The following BCAS3 variants were observed in gnomAD, a reference collection of about 807,000 sequenced individuals.
BCAS3 encodes the protein BCAS4/BCAS3 fusion.
A neutral mutation model predicts 116.1 loss-of-function variants in BCAS3; 53 were observed. That is an observed-to-expected ratio of 0.46 (90% CI 0.37 to 0.57). BCAS3 has a LOEUF of 0.57. BCAS3 is among the 20% of genes least tolerant of loss of function. The probability of loss-of-function intolerance (pLI) is 0.00; values close to 1 mark genes in which losing one functional copy is unlikely to be tolerated. For synonymous variants in BCAS3, 391 were observed against 408.2 expected (o/e 0.96, Z 0.51); for missense variants, 917 against 1,165.4 (o/e 0.79, Z 3.10).
At chr17:61,092,312 A>G (rs2073640656) in intron 22 of BCAS3, among the ~76,000 whole-genome samples, 1 of 152,088 alleles carries the variant, frequency 6.6e-6, no homozygotes, top group African/African-American at 2.4e-5. Flanking sequence ...ACATTTTTTT[A>G]TAAGTCTGTC....
rs1555735275 is a variant in BCAS3 at position 61,134,894 on chromosome 17, TG to T, written c.2425+50331del. Among the ~76,000 whole-genome samples, 1 of 152,222 alleles carries T rather than the reference TG, an allele frequency of 6.6e-6. No individual in the cohort carries two copies. Among genetic ancestry groups the T allele is most frequent in the Non-Finnish European group, 1.5e-5 (1 of 68,038 alleles). On this transcript the variant is annotated intron_variant, in intron 22 of 23. Coordinates refer to ENST00000407086, the MANE Select transcript of BCAS3 (RefSeq NM_017679.5). The surrounding 1 kb of genome is among the most constrained non-coding windows in gnomAD (Gnocchi z 4.6). ...CTACTTTTCTCTTAGATTGTTGTTTTGTTTTTTTTTGAAATAAAACATTTGT... is the reference window on the plus strand; with the variant it reads ...CTACTTTTCTCTTAGATTGTTGTTTTTTTTTTTTTGAAATAAAACATTTGT...
chr17:61,250,121 A>G (rs1750095922), intron 22 of BCAS3, among the ~76,000 whole-genome samples: 1 of 152,152 alleles, frequency 6.6e-6, no homozygotes, highest in African/African-American at 2.4e-5. Flanking sequence ...GAAAGTTCAT[A>G]CCCTGGGCCC....
At chr17:60,988,357 T>TTTTTTTTTTTTTTTTTTC (rs2063310355) in intron 14 of BCAS3, among the ~76,000 whole-genome samples, 1 of 147,002 alleles carries the variant, frequency 6.8e-6, no homozygotes. Context: ...TTTTTTTTTT[T>TTTTTTTTTTTTTTTTTTC]TTTATGTATG....
chr17:61,246,134 T>C lies in BCAS3; in HGVS notation c.2426-122193T>C, dbSNP rs188898848. Among the ~76,000 whole-genome samples the C allele has an allele frequency of 2.0e-5, 3 of 152,112 alleles. No homozygotes were observed. In the South Asian group the frequency reaches 6.2e-4, roughly 32 times the overall value. On this transcript the variant is annotated intron_variant, in intron 22 of 23. Transcript: ENST00000407086. The stretch of plus-strand genomic sequence containing the variant: ...GAGTCTTACAACTATCACGACCTCA[T>C]AACTGATCTAAGATGGCTTTCTGGA...
chr17:61,173,465 G>T (rs1160753054), intron 22 of BCAS3, among the ~76,000 whole-genome samples: 3 of 147,514 alleles, frequency 2.0e-5, no homozygotes, highest in African/African-American at 7.4e-5. Flanking sequence ...AAAAAAAATT[G>T]TTTTGAACTA....
chr17:61,175,781 TATATAA>T (rs1414980738), intron 22 of BCAS3, among the ~76,000 whole-genome samples: 2 of 152,174 alleles, frequency 1.3e-5, no homozygotes, highest in African/African-American at 2.4e-5. Flanking sequence ...GTATCCAGAA[TATATAA>T]ATATAAAAAG....
rs375366637 is a variant in BCAS3, at chr17:60,804,530, T to C, written c.404-3474T>C. On this transcript the variant is annotated intron_variant, in intron 6 of 23. Coordinates refer to ENST00000407086, the MANE Select transcript of BCAS3 (RefSeq NM_017679.5). The stretch of plus-strand genomic sequence containing the variant: ...AAAAGGTAGTATATTATTCTGTATC[T>C]TCCTATGGTTGTATGTATTCCTTTT... 1.1e-4 allele frequency among the ~76,000 whole-genome samples: 16 copies of C among 152,266 alleles called. 1 individual carries two copies. The highest frequency in any genetic ancestry group is 3.8e-4 in the African/African-American group (16 of 41,572).
chr17:61,339,721 G>C lies in BCAS3; in HGVS notation c.2426-28606G>C, dbSNP rs1012888871. Among the ~76,000 whole-genome samples the C allele has an allele frequency of 2.0e-5, 3 of 151,238 alleles. No individual in the cohort carries two copies. The East Asian group carries it at 5.8e-4, about 29-fold the overall frequency. On this transcript the variant is annotated intron_variant, in intron 22 of 23. Coordinates refer to ENST00000407086, the MANE Select transcript of BCAS3 (RefSeq NM_017679.5). This position sits in a 1 kb window ranked among gnomAD's most constrained non-coding sequence, Gnocchi z 4.4. The stretch of plus-strand genomic sequence containing the variant: ...GTGGCGGTTACAGTGAGCTGAGATC[G>C]CGCCACTGTACTCCAGTCGGGGCGA...
intron 4 of BCAS3, among the ~76,000 whole-genome samples, chr17:60,699,100 A>G (rs1006394301): frequency 2.0e-5 from 3 of 152,194 alleles, no homozygotes; most frequent in African/African-American, 4.8e-5. Flanking sequence ...AAGAACAACA[A>G]AAAAACAGGA....
Position 61,144,181 on chromosome 17 carries a change from C to G in BCAS3, c.2425+59617C>G, listed in dbSNP as rs1211420876. Among the ~76,000 whole-genome samples the G allele has an allele frequency of 6.6e-6, 1 of 152,034 alleles. No homozygotes were observed. Among genetic ancestry groups the G allele is most frequent in the African/African-American group, 2.4e-5 (1 of 41,398 alleles). On this transcript the variant is annotated intron_variant, in intron 22 of 23. Transcript: ENST00000407086. This position sits in a 1 kb window ranked among gnomAD's most constrained non-coding sequence, Gnocchi z 5.0. Reference sequence around the variant, plus strand: ...GGTAAACTCCTGCCTAGAGGAATGCCAGAGGCAGAATAAATTTTGGAGCAT... The same window carrying G: ...GGTAAACTCCTGCCTAGAGGAATGCGAGAGGCAGAATAAATTTTGGAGCAT...
At chr17:61,298,822 A>T (rs139665052) in intron 22 of BCAS3, among the ~76,000 whole-genome samples, 13 of 135,056 alleles carry the variant, frequency 9.6e-5, no homozygotes, top group South Asian at 2.3e-4. Context: ...TTATTTATTT[A>T]TTATTATTAT....
At chr17:60,892,712 G>A (rs112657021) in intron 10 of BCAS3, among the ~76,000 whole-genome samples, 28,531 of 151,870 alleles carry the variant, frequency 0.19, 3,253 homozygotes, top group African/African-American at 0.32. Flanking sequence ...CGTGAGGCCA[G>A]GAGTTCGAGA....
intron 10 of BCAS3, among the ~76,000 whole-genome samples, chr17:60,891,957 A>C (rs149834485): frequency 2.6e-3 from 403 of 152,282 alleles, no homozygotes; most frequent in African/African-American, 7.5e-3. Flanking sequence ...AGCTCCAAGC[A>C]TGTTGCTGCA....
intron 14 of BCAS3, among the ~76,000 whole-genome samples, chr17:60,976,020 CTTTTTTTT>C (rs755966067): frequency 2.0e-5 from 2 of 98,286 alleles, no homozygotes; most frequent in African/African-American, 8.3e-5. Context: ...TAGATTTTTG[CTTTTTTTT>C]TTTTTTTTTT....
intron 12 of BCAS3, among the ~76,000 whole-genome samples, chr17:60,916,531 C>A (rs2058786938): frequency 6.6e-6 from 1 of 152,034 alleles, no homozygotes; most frequent in Non-Finnish European, 1.5e-5. Flanking sequence ...AATGAAAGAA[C>A]AACAATGGGG....
intron 18 of BCAS3, 56 bp downstream of exon 18, chr17:61,038,110 A>G: frequency 8.0e-6 from 12 of 1,491,748 alleles, no homozygotes; most frequent in South Asian, 5.0e-5. Flanking sequence ...ATAGAAGATT[A>G]AAAGCGTATA....
chr17:60,691,406 CCTCTCTCT>C (rs138400928), intron 4 of BCAS3, among the ~76,000 whole-genome samples: 3 of 148,454 alleles, frequency 2.0e-5, no homozygotes, highest in African/African-American at 7.4e-5. Context: ...TTGTTAGTTT[CCTCTCTCT>C]CTCTCTCTCT....
intron 14 of BCAS3, among the ~76,000 whole-genome samples, chr17:60,968,492 T>C (rs1009680729): frequency 1.3e-5 from 2 of 152,164 alleles, no homozygotes; most frequent in African/African-American, 4.8e-5. Context: ...GCCTTGGCCT[T>C]TCAAGGCACT....
At chr17:60,854,351 A>C (rs531330625) in intron 7 of BCAS3, among the ~76,000 whole-genome samples, 1 of 152,202 alleles carries the variant, frequency 6.6e-6, no homozygotes, top group African/African-American at 2.4e-5. Context: ...TAGTGCCGCA[A>C]TGAACATACG....
Sources: allele counts gnomAD v4.1 joint callset (sites outside exome capture counted in the v4.1 genomes callset), GRCh38; gene constraint gnomAD v4.1.1; non-coding constraint Gnocchi (gnomAD v3.1); transcripts MANE v1.5; gene names NCBI Gene and HGNC (gene_info 2026-07-23, HGNC 2026-07-21).